EML4: variants seen among roughly 807,000 people sequenced by gnomAD.
EML4 encodes EMAP like 4.
Under a neutral mutation model 129.0 loss-of-function variants are expected in EML4, and 72 were observed. That is an observed-to-expected ratio of 0.56 (90% CI 0.46 to 0.68). The LOEUF is 0.68. Among genes scored for constraint, EML4 ranks in the 30% least tolerant of loss-of-function variants. The pLI, the probability that EML4 is intolerant of heterozygous loss-of-function variation, is 0.00. For synonymous variants in EML4, 532 were observed against 405.0 expected (o/e 1.31, Z -3.77); for missense variants, 1,363 against 1,190.6 (o/e 1.14, Z -2.13).
At chr2:42,189,780 C>T (rs1052876409) in intron 1 of EML4, among the ~76,000 whole-genome samples, 1 of 152,174 alleles carries the variant, frequency 6.6e-6, no homozygotes, top group African/African-American at 2.4e-5. Context: ...GTGCTTTCCA[C>T]TATACGATAC....
chr2:42,246,341 T>C (rs1162630239), intron 2 of EML4, among the ~76,000 whole-genome samples: 1 of 152,200 alleles, frequency 6.6e-6, no homozygotes, highest in African/African-American at 2.4e-5. Flanking sequence ...AACATATCAT[T>C]TGATGTCTCT....
chr2:42,288,595 A>G (rs181729292), intron 11 of EML4: 93 of 197,358 alleles, frequency 4.7e-4, no homozygotes, highest in African/African-American at 2.0e-3. Context: ...GTGATCTCAT[A>G]ATTAAGACTG....
chr2:42,299,717 T>A (rs1668172414), intron 13 of EML4, among the ~76,000 whole-genome samples: 1 of 152,202 alleles, frequency 6.6e-6, no homozygotes, highest in South Asian at 2.1e-4. Flanking sequence ...GAGATGGAGT[T>A]TCACTCTTGT....
chr2:42,236,219 A>G (rs1322597539), intron 1 of EML4, among the ~76,000 whole-genome samples: 1 of 152,190 alleles, frequency 6.6e-6, no homozygotes, highest in African/African-American at 2.4e-5. Flanking sequence ...CTTTACATTC[A>G]TCATGTTCCT....
intron 1 of EML4, among the ~76,000 whole-genome samples, chr2:42,238,883 A>C (rs1674849596): frequency 1.3e-5 from 2 of 152,286 alleles, no homozygotes; most frequent in South Asian, 2.1e-4. Flanking sequence ...TCTTAGGCTC[A>C]AGTGATCCTC....
At chr2:42,175,592 G>C (rs1368510833) in intron 1 of EML4, among the ~76,000 whole-genome samples, 1 of 151,762 alleles carries the variant, frequency 6.6e-6, no homozygotes, top group African/African-American at 2.4e-5. Flanking sequence ...TCTGCCTCCT[G>C]GATTCAAGCG....
intron 6 of EML4, among the ~76,000 whole-genome samples, chr2:42,267,449 A>C (rs187448036): frequency 5.5e-4 from 84 of 152,316 alleles, no homozygotes; most frequent in Non-Finnish European, 1.1e-3. Flanking sequence ...ATATGACATT[A>C]ATTTAGCCTC....
chr2:42,307,353 A>T (rs567220958), intron 17 of EML4, among the ~76,000 whole-genome samples: 6 of 152,222 alleles, frequency 3.9e-5, no homozygotes, highest in Admixed American at 2.0e-4. Context: ...ACACTTCATG[A>T]GAGTGATGTG....
chr2:42,315,234 G>A (rs1361501949), intron 17 of EML4, among the ~76,000 whole-genome samples: 1 of 152,132 alleles, frequency 6.6e-6, no homozygotes. Context: ...TTTTTCTGCT[G>A]CTATCATTCA....
At chr2:42,203,612 C>T (rs1423512861) in intron 1 of EML4, among the ~76,000 whole-genome samples, 2 of 148,140 alleles carry the variant, frequency 1.4e-5, no homozygotes, top group Non-Finnish European at 3.0e-5. Flanking sequence ...CGTTTATATA[C>T]TTATTTTTTC....
chr2:42,172,851 C>A (rs866250291), intron 1 of EML4, among the ~76,000 whole-genome samples: 17 of 152,210 alleles, frequency 1.1e-4, no homozygotes, highest in Middle Eastern at 3.4e-3. Flanking sequence ...GCATTTCATG[C>A]TTAATCTTTT....
intron 11 of EML4, among the ~76,000 whole-genome samples, chr2:42,294,094 A>G (rs926471856): frequency 6.6e-6 from 1 of 152,268 alleles, no homozygotes; most frequent in Non-Finnish European, 1.5e-5. Context: ...ATATCAATTT[A>G]GTGAGAATTA....
chr2:42,187,480 CTGAG>C (rs1411081840), intron 1 of EML4, among the ~76,000 whole-genome samples: 2 of 152,088 alleles, frequency 1.3e-5, no homozygotes, highest in Admixed American at 6.5e-5. Flanking sequence ...CTTTTCATTG[CTGAG>C]TAATATTTCT....
chr2:42,177,490 G>A (rs1014280934), intron 1 of EML4, among the ~76,000 whole-genome samples: 9 of 152,028 alleles, frequency 5.9e-5, no homozygotes, highest in Admixed American at 2.0e-4. Flanking sequence ...AGGCATGGTG[G>A]TGCACGCCTG....
chr2:42,261,368 T>A, intron 4 of EML4, 74 bp downstream of exon 4: 5 of 1,339,568 alleles, frequency 3.7e-6, no homozygotes, highest in Non-Finnish European at 5.0e-6. Flanking sequence ...TGGGAAAAAG[T>A]TAGCTATCCA....
chr2:42,204,035 T>G (rs896535799), intron 1 of EML4, among the ~76,000 whole-genome samples: 2 of 152,018 alleles, frequency 1.3e-5, no homozygotes, highest in African/African-American at 4.8e-5. Context: ...TCCTCCCACC[T>G]CAGCCCTCCG....
chr2:42,239,898 G>A (rs1674909335), intron 1 of EML4, among the ~76,000 whole-genome samples: 1 of 152,008 alleles, frequency 6.6e-6, no homozygotes, highest in South Asian at 2.1e-4. Context: ...TGAGAATGGG[G>A]GCATCTTAGA....
intron 19 of EML4, among the ~76,000 whole-genome samples, chr2:42,322,868 G>C (rs1196159389): frequency 6.6e-6 from 1 of 152,078 alleles, no homozygotes; most frequent in Non-Finnish European, 1.5e-5. Context: ...CTTATTTATT[G>C]GAATTGATGC....
chr2:42,196,971 T>C (rs1193474606), intron 1 of EML4, among the ~76,000 whole-genome samples: 1 of 152,174 alleles, frequency 6.6e-6, no homozygotes, highest in East Asian at 1.9e-4. Context: ...ATGTTCAGTG[T>C]TTTTGTAGGC....
Sources: allele counts gnomAD v4.1 joint callset (sites outside exome capture counted in the v4.1 genomes callset), GRCh38; gene constraint gnomAD v4.1.1; transcripts MANE v1.5; gene names NCBI Gene and HGNC (gene_info 2026-07-23, HGNC 2026-07-21).